The following BICD1 variants were observed in gnomAD, a reference collection of about 807,000 sequenced individuals.
BICD1 encodes the protein BICD cargo adaptor 1, also known as protein bicaudal D homolog 1.
A neutral mutation model predicts 92.5 loss-of-function variants in BICD1; 35 were observed. The observed-to-expected ratio is 0.38, with a 90% confidence interval of 0.29 to 0.50. The LOEUF is 0.50. Among genes scored for constraint, BICD1 ranks in the 20% least tolerant of loss-of-function variants. BICD1 has a pLI of 0.93. For missense variants in BICD1, 950 were observed against 1,189.8 expected (o/e 0.80, Z 2.97); for synonymous variants, 429 against 465.1 (o/e 0.92, Z 1.00).
chr12:32,192,976 G>A (rs1013881412), intron 1 of BICD1, among the ~76,000 whole-genome samples: 15 of 152,200 alleles, frequency 9.9e-5, no homozygotes, highest in African/African-American at 3.4e-4. Context: ...TCTACTCCTG[G>A]TGAAGATGCT....
chr12:32,146,952 T>C (rs1044389998), intron 1 of BICD1, among the ~76,000 whole-genome samples: 1 of 151,616 alleles, frequency 6.6e-6, no homozygotes, highest in African/African-American at 2.4e-5. Context: ...TCTTCCTTTT[T>C]CTTTTTTGAG....
chr12:32,284,283 C>A (rs893386731), intron 2 of BICD1, among the ~76,000 whole-genome samples: 1 of 152,242 alleles, frequency 6.6e-6, no homozygotes, highest in Non-Finnish European at 1.5e-5. Context: ...TTCTCCCTTA[C>A]TCCCCTCTAG....
intron 2 of BICD1, among the ~76,000 whole-genome samples, chr12:32,234,031 T>C (rs1945982778): frequency 6.6e-6 from 1 of 152,222 alleles, no homozygotes; most frequent in Non-Finnish European, 1.5e-5. Context: ...TGAATTTTTA[T>C]ATATACCTCA....
At chr12:32,114,117 C>G (rs11051802) in intron 1 of BICD1, among the ~76,000 whole-genome samples, 16,431 of 152,130 alleles carry the variant, frequency 0.11, 1,164 homozygotes, top group East Asian at 0.32. Flanking sequence ...GTGATCCACC[C>G]ACCTTGGCCT....
chr12:32,145,265 C>T (rs1056396085), intron 1 of BICD1, among the ~76,000 whole-genome samples: 3 of 152,148 alleles, frequency 2.0e-5, no homozygotes, highest in Non-Finnish European at 4.4e-5. Flanking sequence ...AGGGAAGGCT[C>T]TGTGACACGA....
chr12:32,214,223 T>C (rs1265824940), intron 1 of BICD1, among the ~76,000 whole-genome samples: 1 of 152,194 alleles, frequency 6.6e-6, no homozygotes, highest in Non-Finnish European at 1.5e-5. Context: ...CTTATTTTGC[T>C]CCAGCCCTAG....
intron 2 of BICD1, among the ~76,000 whole-genome samples, chr12:32,265,920 A>G (rs1168880233): frequency 6.6e-6 from 1 of 152,174 alleles, no homozygotes; most frequent in African/African-American, 2.4e-5. Context: ...CTCTGCCCCA[A>G]TTACACATCT....
intron 2 of BICD1, among the ~76,000 whole-genome samples, chr12:32,283,877 A>C (rs2136174524): frequency 6.6e-6 from 1 of 152,360 alleles, no homozygotes; most frequent in African/African-American, 2.4e-5. Context: ...AGAGAAACTC[A>C]GAGCCTGTGC....
chr12:32,186,755 G>A (rs1272589701), intron 1 of BICD1, among the ~76,000 whole-genome samples: 3 of 152,144 alleles, frequency 2.0e-5, no homozygotes, highest in Admixed American at 1.3e-4. Flanking sequence ...CGTGAAGTGT[G>A]TGAGATGTGA....
At chr12:32,359,385 C>G (rs1939234904) in intron 8 of BICD1, among the ~76,000 whole-genome samples, 1 of 151,592 alleles carries the variant, frequency 6.6e-6, no homozygotes, top group Non-Finnish European at 1.5e-5. Context: ...CGGTGAGAGC[C>G]TTCTTGCTGG....
At chr12:32,350,696 T>A (rs1279527249) in intron 8 of BICD1, among the ~76,000 whole-genome samples, 4 of 152,216 alleles carry the variant, frequency 2.6e-5, no homozygotes, top group Non-Finnish European at 5.9e-5. Flanking sequence ...ATCTCTTTAG[T>A]CATCTATTGA....
At chr12:32,155,061 T>TA (rs1406254784) in intron 1 of BICD1, among the ~76,000 whole-genome samples, 2 of 152,258 alleles carry the variant, frequency 1.3e-5, no homozygotes, top group East Asian at 1.9e-4. Context: ...GTTGTGGTTT[T>TA]AAAAAAATCC....
chr12:32,246,516 T>C (rs73310773), intron 2 of BICD1, among the ~76,000 whole-genome samples: 6,168 of 151,974 alleles, frequency 0.041, 445 homozygotes, highest in African/African-American at 0.14. Context: ...CGTGTGCCTA[T>C]AGTCTCAACT....
chr12:32,337,836 C>G lies in BICD1; in HGVS notation c.2570+20C>G, dbSNP rs1355224342. ...GAAAAGGTATGCATGCAGCGATCTT[C>G]ATAGTACGGTGCAGTGGCCAGATTT... On this transcript the variant is annotated intron_variant, in intron 7 of 9. Coordinates refer to ENST00000652176, the MANE Select transcript of BICD1 (RefSeq NM_001714.4). This position sits in a 1 kb window ranked among gnomAD's most constrained non-coding sequence, Gnocchi z 4.7. 1.2e-5 allele frequency: 20 copies of G among 1,611,702 alleles called. No individual in the cohort carries two copies. Among genetic ancestry groups the G allele is most frequent in the Non-Finnish European group, 1.4e-5 (17 of 1,178,088 alleles).
chr12:32,139,949 C>T (rs1942854631), intron 1 of BICD1, among the ~76,000 whole-genome samples: 1 of 152,196 alleles, frequency 6.6e-6, no homozygotes, highest in Non-Finnish European at 1.5e-5. Flanking sequence ...CTTATACCAG[C>T]CGAGAAGCAG....
intron 8 of BICD1, among the ~76,000 whole-genome samples, chr12:32,350,898 T>C (rs1470159805): frequency 6.6e-6 from 1 of 152,204 alleles, no homozygotes; most frequent in Non-Finnish European, 1.5e-5. Context: ...TAATAGTCAT[T>C]GATATACTCT....
chr12:32,374,943 G>T (rs1474826441), intron 9 of BICD1, among the ~76,000 whole-genome samples: 1 of 93,736 alleles, frequency 1.1e-5, no homozygotes, highest in African/African-American at 4.4e-5. Flanking sequence ...TTTTGAGACG[G>T]AGTCTCGCTC....
chr12:32,222,702 A>C (rs1316136443), intron 2 of BICD1, among the ~76,000 whole-genome samples: 1 of 152,240 alleles, frequency 6.6e-6, no homozygotes, highest in African/African-American at 2.4e-5. Flanking sequence ...TCAATGTGAT[A>C]ATATTAAGAA....
chr12:32,265,616 C>G (rs1176768261), intron 2 of BICD1, among the ~76,000 whole-genome samples: 1 of 150,030 alleles, frequency 6.7e-6, no homozygotes, highest in Non-Finnish European at 1.5e-5. Flanking sequence ...ACTTGGGAAG[C>G]TGAGGCAGGA....
Sources: gnomAD v4.1 joint callset for allele counts (sites outside exome capture counted in the v4.1 genomes callset) on GRCh38, gnomAD v4.1.1 for gene constraint, Gnocchi (gnomAD v3.1) non-coding constraint, MANE v1.5 for transcripts, NCBI Gene and HGNC (gene_info 2026-07-23, HGNC 2026-07-21) for gene names.